The following CNTNAP3B variants were observed in gnomAD, a reference collection of about 807,000 sequenced individuals.
The protein encoded by CNTNAP3B is contactin associated protein family member 3B, also known as contactin-associated protein-like 3B.
Under a neutral mutation model 108.9 loss-of-function variants are expected in CNTNAP3B, and 25 were observed. The ratio of observed to expected loss-of-function variants is 0.23; its 90% CI spans 0.17 to 0.32. The LOEUF (loss-of-function observed/expected upper bound fraction) is 0.32, where lower values mean the gene tolerates loss of function less well. Ranked by LOEUF, CNTNAP3B falls within the 10% of genes least tolerant of loss-of-function variation. CNTNAP3B has a pLI of 1.00. For missense variants in CNTNAP3B, 252 were observed against 1,210.4 expected (o/e 0.21, Z 11.75); for synonymous variants, 103 against 473.4 (o/e 0.22, Z 10.16).
In CNTNAP3B at chr9:42,128,384, T is replaced by G. The variant is rs942928433; in HGVS notation, c.85+626A>C. ...ATCCAGAGAGGAATCATTTTCAAGA[T>G]CACCTAAATGACTGGCTGAGTTTTG... is the stretch of plus-strand genomic sequence containing the variant. On this transcript the variant is annotated intron_variant, in intron 1 of 23. Transcript: ENST00000377561. Among the ~76,000 whole-genome samples, 6 of 135,582 alleles carry G rather than the reference T, an allele frequency of 4.4e-5. 1 individual carries two copies. Among genetic ancestry groups the G allele is most frequent in the Non-Finnish European group, 6.3e-5 (4 of 63,922 alleles). The allele number at this position is 135,582 out of a possible 152,430, so 88.9% of individuals were successfully genotyped here.
At chr9:42,054,540 G>A (rs569045718) in intron 3 of CNTNAP3B, among the ~76,000 whole-genome samples, 1 of 151,814 alleles carries the variant, frequency 6.6e-6, no homozygotes, top group Non-Finnish European at 1.5e-5. Flanking sequence ...CCAGGTGTTT[G>A]TTAGGGGCTA....
chr9:42,098,541 C>T lies in CNTNAP3B; in HGVS notation c.196+6088G>A, dbSNP rs1362831683. On this transcript the variant is annotated intron_variant, in intron 2 of 23. Transcript: ENST00000377561. ...GAGCTTGCAGTGAGCAGAGATCATG[C>T]CACTGCACTCCAGCCTGGGTGACAG... Among the ~76,000 whole-genome samples the T allele has an allele frequency of 5.4e-4, 46 of 84,716 alleles. 1 individual carries two copies. The highest frequency in any genetic ancestry group is 2.0e-3 in the African/African-American group (44 of 21,838). 55.6% of individuals were successfully genotyped at this position (84,716 alleles called of 152,430 possible).
rs1239673098 is a variant in CNTNAP3B, at chr9:42,129,351, C to A, written c.-257G>T. The A allele has an allele frequency of 6.5e-5, 24 of 371,238 alleles. 2 individuals carry two copies. Among genetic ancestry groups the A allele is most frequent in the Non-Finnish European group, 9.3e-5 (23 of 248,030 alleles). 23.0% of individuals were successfully genotyped at this position (371,238 alleles called of 1,614,324 possible). On this transcript the variant is annotated 5_prime_UTR_variant, in exon 1 of 24. Coordinates refer to ENST00000377561, the MANE Select transcript of CNTNAP3B (RefSeq NM_001201380.3). ...GGAGCCTGGGGGCCGCGCGGCGCCG[C>A]CCCAGGCACGGAGGCGGCAGGTTCA... is the stretch of plus-strand genomic sequence containing the variant.
Position 41,919,580 on chromosome 9 carries a change from T to C in CNTNAP3B, c.2995+490A>G, listed in dbSNP as rs1823613049. Among the ~76,000 whole-genome samples, 5 of 152,426 alleles carry C rather than the reference T, an allele frequency of 3.3e-5. No individual in the cohort carries two copies. The South Asian group carries it at 1.0e-3, about 32-fold the overall frequency. ...CCTTCTAGTTAGTATGCTTGTTTTA[T>C]AAGAAAAGACATTTCTATAAAGGCC... is the stretch of plus-strand genomic sequence containing the variant. On this transcript the variant is annotated intron_variant, in intron 18 of 23. Coordinates refer to ENST00000377561, the MANE Select transcript of CNTNAP3B (RefSeq NM_001201380.3).
intron 1 of CNTNAP3B, among the ~76,000 whole-genome samples, chr9:42,113,150 A>G (rs1423812748): frequency 7.4e-6 from 1 of 135,278 alleles, no homozygotes; most frequent in Non-Finnish European, 1.6e-5. Flanking sequence ...GGAGAGATGA[A>G]GGAGATGGGA....
intron 3 of CNTNAP3B, among the ~76,000 whole-genome samples, chr9:42,028,924 A>C (rs1267897520): frequency 6.6e-6 from 1 of 151,916 alleles, no homozygotes; most frequent in African/African-American, 2.4e-5. Context: ...TAAATAAATT[A>C]AAATTTTTTT....
chr9:41,947,374 C>A (rs1442242423), intron 13 of CNTNAP3B, among the ~76,000 whole-genome samples: 2 of 152,232 alleles, frequency 1.3e-5, no homozygotes, highest in Admixed American at 1.3e-4. Flanking sequence ...AAAAGAAAAT[C>A]TCTAAACACT....
chr9:42,056,897 C>A (rs1827085895), intron 3 of CNTNAP3B, among the ~76,000 whole-genome samples: 1 of 61,320 alleles, frequency 1.6e-5, no homozygotes, highest in Non-Finnish European at 2.9e-5. Flanking sequence ...GAAATACATG[C>A]CCGCTCCCAC....
At chr9:41,990,668 T>TC (rs1421579720) in intron 8 of CNTNAP3B, among the ~76,000 whole-genome samples, 1 of 128,228 alleles carries the variant, frequency 7.8e-6, no homozygotes, top group Non-Finnish European at 1.6e-5. Flanking sequence ...AGATTACGCT[T>TC]TTTTTTTTTA....
chr9:41,956,411 A>T (rs549293972), intron 12 of CNTNAP3B, among the ~76,000 whole-genome samples: 44 of 152,246 alleles, frequency 2.9e-4, no homozygotes, highest in Non-Finnish European at 4.8e-4. Context: ...ATAAAATAAT[A>T]GTTGTATGGG....
chr9:41,966,419 T>G (rs1353182765), intron 10 of CNTNAP3B, among the ~76,000 whole-genome samples: 3 of 152,402 alleles, frequency 2.0e-5, no homozygotes, highest in South Asian at 4.1e-4. Flanking sequence ...TGTGAAAAAT[T>G]TACATGTAGT....
chr9:42,080,112 A>T (rs1827582086), intron 2 of CNTNAP3B, among the ~76,000 whole-genome samples: 1 of 133,492 alleles, frequency 7.5e-6, no homozygotes, highest in African/African-American at 3.1e-5. Context: ...GAGGAAAATG[A>T]GTTGACACGG....
chr9:41,951,981 G>A (rs1238768293), intron 13 of CNTNAP3B, among the ~76,000 whole-genome samples: 1 of 152,250 alleles, frequency 6.6e-6, no homozygotes, highest in African/African-American at 2.4e-5. Context: ...GGAGGCTGAG[G>A]CAGGAGAATC....
intron 3 of CNTNAP3B, among the ~76,000 whole-genome samples, chr9:42,042,177 C>T (rs1826775464): frequency 7.6e-6 from 1 of 132,232 alleles, no homozygotes; most frequent in African/African-American, 3.0e-5. Flanking sequence ...CACATGTATA[C>T]ATATGTAACA....
intron 1 of CNTNAP3B, among the ~76,000 whole-genome samples, chr9:42,117,674 T>C (rs1828350379): frequency 7.5e-6 from 1 of 134,086 alleles, no homozygotes; most frequent in Admixed American, 7.4e-5. Flanking sequence ...ATAACTAAGA[T>C]CAGAGCAGAA....
At chr9:41,939,607 A>G (rs1824271487) in intron 13 of CNTNAP3B, among the ~76,000 whole-genome samples, 1 of 152,300 alleles carries the variant, frequency 6.6e-6, no homozygotes, top group African/African-American at 2.4e-5. Flanking sequence ...AACGTAAAAG[A>G]TATTTTTAAA....
intron 2 of CNTNAP3B, among the ~76,000 whole-genome samples, chr9:42,103,166 T>G (rs1259796418): frequency 1.5e-5 from 2 of 133,142 alleles, no homozygotes; most frequent in Non-Finnish European, 3.1e-5. Context: ...GCTTAGTCAC[T>G]GTTTCAGTGA....
chr9:41,927,683 A>T (rs1440480151), intron 15 of CNTNAP3B, among the ~76,000 whole-genome samples: 1 of 152,096 alleles, frequency 6.6e-6, no homozygotes, highest in African/African-American at 2.4e-5. Context: ...GTAAAATAAG[A>T]GCTAAAATAT....
intron 14 of CNTNAP3B, among the ~76,000 whole-genome samples, chr9:41,933,839 A>G (rs1824054711): frequency 6.6e-6 from 1 of 152,240 alleles, no homozygotes; most frequent in Admixed American, 6.5e-5. Flanking sequence ...ACAGTTAAGA[A>G]TATAGTTTCC....
Sources: allele counts gnomAD v4.1 joint callset (sites outside exome capture counted in the v4.1 genomes callset), GRCh38; gene constraint gnomAD v4.1.1; transcripts MANE v1.5; gene names NCBI Gene and HGNC (gene_info 2026-07-23, HGNC 2026-07-21).